PLCB1: variants seen among roughly 807,000 people sequenced by gnomAD.
The protein encoded by PLCB1 is 1-phosphatidylinositol 4,5-bisphosphate phosphodiesterase beta-1.
A neutral mutation model predicts 161.8 loss-of-function variants in PLCB1; 46 were observed. The observed-to-expected ratio is 0.28, with a 90% CI of 0.22 to 0.36. PLCB1 has a LOEUF of 0.36. PLCB1 is among the 10% of genes least tolerant of loss of function. PLCB1 has a pLI of 1.00. For missense variants in PLCB1, 1,016 were observed against 1,472.5 expected (o/e 0.69, Z 5.07); for synonymous variants, 517 against 503.7 (o/e 1.03, Z -0.35).
At chr20:8,868,296 G>T (rs1257940963) in intron 31 of PLCB1, among the ~76,000 whole-genome samples, 1 of 152,206 alleles carries the variant, frequency 6.6e-6, no homozygotes, top group Non-Finnish European at 1.5e-5. Flanking sequence ...ATTTAGAAAT[G>T]TGCTGGGCTA....
rs114234560 is a variant in PLCB1, at chr20:8,143,600, G to T, written c.100-6694G>T. On this transcript the variant is annotated intron_variant, in intron 1 of 31. Coordinates refer to ENST00000338037, the MANE Select transcript of PLCB1 (RefSeq NM_015192.4). ...ACAAGTGAGTATAGGAAGCATGGAAGGTTTCCCTGGAAAATTCTATTTATG... is the reference window on the plus strand; with the variant it reads ...ACAAGTGAGTATAGGAAGCATGGAATGTTTCCCTGGAAAATTCTATTTATG... Among the ~76,000 whole-genome samples, 747 of 152,320 alleles carry T rather than the reference G, an allele frequency of 4.9e-3. 7 individuals carry two copies. Among genetic ancestry groups the T allele is most frequent in the Middle Eastern group, 0.017 (5 of 292 alleles).
chr20:8,331,349 GTT>G lies in PLCB1; in HGVS notation c.178-40019_178-40018del, dbSNP rs531663143. On this transcript the variant is annotated intron_variant, in intron 2 of 31. Transcript: ENST00000338037. ...AAGAATGAGATTCAATACGTGTGAA[GTT>G]TTTTTTTTTTTTTCTATGTTCAAAT... Among the ~76,000 whole-genome samples the G allele has an allele frequency of 4.5e-3, 653 of 144,420 alleles. 7 individuals carry two copies. The highest frequency in any genetic ancestry group is 0.015 in the African/African-American group (612 of 39,946). 94.7% of individuals were successfully genotyped at this position (144,420 alleles called of 152,430 possible). A position where few individuals can be genotyped will look rare whatever the true frequency, so the allele number is the denominator to read the frequency against.
intron 2 of PLCB1, among the ~76,000 whole-genome samples, chr20:8,289,096 CT>C (rs1983265601): frequency 6.6e-6 from 1 of 152,144 alleles, no homozygotes; most frequent in South Asian, 2.1e-4. Context: ...TCCAGATCAC[CT>C]CAGATCCTGG....
chr20:8,717,571 A>C, intron 13 of PLCB1, 100 bp from the exon 14 acceptor site: 1 of 847,842 alleles, frequency 1.2e-6, no homozygotes, highest in Non-Finnish European at 1.9e-6. Flanking sequence ...GTAGGGAAGA[A>C]GTCTAGACAT....
chr20:8,795,406 A>T (rs1279820041), intron 31 of PLCB1, among the ~76,000 whole-genome samples: 1 of 152,224 alleles, frequency 6.6e-6, no homozygotes, highest in African/African-American at 2.4e-5. Context: ...TTATTATGTT[A>T]TAAACAACAA....
chr20:8,494,540 T>C (rs752234586), intron 3 of PLCB1, among the ~76,000 whole-genome samples: 3 of 152,192 alleles, frequency 2.0e-5, no homozygotes, highest in Admixed American at 6.5e-5. Context: ...AAACAAAAGC[T>C]AACTGCCACA....
At chr20:8,146,599 A>G (rs1396133243) in intron 1 of PLCB1, among the ~76,000 whole-genome samples, 1 of 152,214 alleles carries the variant, frequency 6.6e-6, no homozygotes, top group Non-Finnish European at 1.5e-5. Context: ...TTATTGACTT[A>G]TATCAGTGCA....
intron 2 of PLCB1, among the ~76,000 whole-genome samples, chr20:8,324,994 G>A (rs1394148496): frequency 6.6e-6 from 1 of 152,172 alleles, no homozygotes; most frequent in Non-Finnish European, 1.5e-5. Flanking sequence ...ACACAGTACA[G>A]ACACAAACAG....
chr20:8,609,354 G>C (rs1279658642), intron 3 of PLCB1, among the ~76,000 whole-genome samples: 1 of 152,194 alleles, frequency 6.6e-6, no homozygotes, highest in Non-Finnish European at 1.5e-5. Context: ...AGAATGAGGA[G>C]ATTAAAAGTT....
intron 20 of PLCB1, among the ~76,000 whole-genome samples, chr20:8,737,918 T>G (rs1166283050): frequency 6.6e-6 from 1 of 152,248 alleles, no homozygotes; most frequent in Non-Finnish European, 1.5e-5. Flanking sequence ...TTACAGTTAT[T>G]ATGAATATTC....
chr20:8,792,630 T>C (rs1161190975), intron 31 of PLCB1: 1 of 471,336 alleles, frequency 2.1e-6, no homozygotes, highest in South Asian at 1.5e-5. Flanking sequence ...ATGAGGTTGC[T>C]CCATGACCAT....
At chr20:8,576,744 G>A (rs6055914) in intron 3 of PLCB1, among the ~76,000 whole-genome samples, 88,739 of 152,038 alleles carry the variant, frequency 0.58, 27,457 homozygotes, top group African/African-American at 0.8. Flanking sequence ...TATCTAGCTG[G>A]AATTAAGTTA....
chr20:8,831,602 A>T (rs10211690), intron 31 of PLCB1, among the ~76,000 whole-genome samples: 1 of 151,782 alleles, frequency 6.6e-6, no homozygotes, highest in Admixed American at 6.6e-5. Context: ...TAAAAACTAA[A>T]CCCCAAAATA....
chr20:8,762,555 G>A (rs1982096705), intron 25 of PLCB1, among the ~76,000 whole-genome samples: 1 of 152,162 alleles, frequency 6.6e-6, no homozygotes, highest in Non-Finnish European at 1.5e-5. Flanking sequence ...CTGATATGCT[G>A]TAAACCACTT....
chr20:8,344,659 T>C (rs1390121937), intron 2 of PLCB1, among the ~76,000 whole-genome samples: 1 of 152,184 alleles, frequency 6.6e-6, no homozygotes, highest in South Asian at 2.1e-4. Flanking sequence ...CTGCTCCCGG[T>C]GCTCACCCCA....
chr20:8,839,354 G>A (rs1036902893), intron 31 of PLCB1, among the ~76,000 whole-genome samples: 6 of 152,288 alleles, frequency 3.9e-5, no homozygotes, highest in Admixed American at 1.3e-4. Context: ...TCATTTGGGT[G>A]TGTTACTCCC....
chr20:8,636,604 C>T (rs1451908517), intron 4 of PLCB1, among the ~76,000 whole-genome samples: 1 of 152,202 alleles, frequency 6.6e-6, no homozygotes, highest in Non-Finnish European at 1.5e-5. Flanking sequence ...CTCTCCCTTA[C>T]ACACACAGAA....
intron 3 of PLCB1, among the ~76,000 whole-genome samples, chr20:8,409,674 G>A (rs918108606): frequency 2.6e-5 from 4 of 151,912 alleles, no homozygotes; most frequent in African/African-American, 9.7e-5. Context: ...TGTTGGCCAG[G>A]CTGGTCCCAA....
chr20:8,754,579 T>TG lies in PLCB1; in HGVS notation c.2524-2463dup, dbSNP rs531880239. The stretch of plus-strand genomic sequence containing the variant: ...GTTTTAGAAACCAACTTGGATATAA[T>TG]GGGGAAGGTCAGATCCCCACGGAAT... On this transcript the variant is annotated intron_variant, in intron 23 of 31. Coordinates refer to ENST00000338037, the MANE Select transcript of PLCB1 (RefSeq NM_015192.4). Among the ~76,000 whole-genome samples the TG allele has an allele frequency of 1.8e-4, 27 of 152,242 alleles. No homozygotes were observed. In the East Asian group the frequency reaches 5.0e-3, roughly 28 times the overall value.
Sources: gnomAD v4.1 joint callset for allele counts (sites outside exome capture counted in the v4.1 genomes callset) on GRCh38, gnomAD v4.1.1 for gene constraint, MANE v1.5 for transcripts, NCBI Gene and HGNC (gene_info 2026-07-23, HGNC 2026-07-21) for gene names.